The following ANO5 variants were observed in gnomAD, a reference collection of about 807,000 sequenced individuals.
The protein encoded by ANO5 is anoctamin-5.
Under a neutral mutation model 121.0 loss-of-function variants are expected in ANO5, and 109 were observed. That is an observed-to-expected ratio of 0.90 (90% CI 0.77 to 1.06). The LOEUF is 1.06. Among genes scored for constraint, ANO5 ranks in the 50% least tolerant of loss-of-function variants. The pLI is 0.00. For missense variants in ANO5, 1,064 were observed against 1,078.5 expected (o/e 0.99, Z 0.19); for synonymous variants, 406 against 359.9 (o/e 1.13, Z -1.45).
intron 1 of ANO5, among the ~76,000 whole-genome samples, chr11:22,196,315 G>A (rs1486933567): frequency 6.6e-6 from 1 of 152,040 alleles, no homozygotes; most frequent in African/African-American, 2.4e-5. Context: ...CAATTCTAAT[G>A]TAACTGTTGC....
At chr11:22,253,914 A>G (rs1853908927) in intron 12 of ANO5, among the ~76,000 whole-genome samples, 2 of 152,188 alleles carry the variant, frequency 1.3e-5, no homozygotes, top group African/African-American at 4.8e-5. Context: ...GGAAATGAGC[A>G]GTTACTAATC....
Position 22,193,167 on chromosome 11 carries a change from A to C in ANO5, c.-326A>C. On this transcript the variant is annotated 5_prime_UTR_variant, in exon 1 of 22. Coordinates refer to ENST00000324559, the MANE Select transcript of ANO5 (RefSeq NM_213599.3). ...AGGCACAGGGACAGGTGCCTGGAGA[A>C]GTACTGGGAGAGCGCCCAGGAGCGC... The C allele has an allele frequency of 8.4e-7, 1 of 1,193,430 alleles. No homozygotes were observed. Among genetic ancestry groups the C allele is most frequent in the East Asian group, 4.7e-5 (1 of 21,068 alleles). 73.9% of individuals were successfully genotyped at this position (1,193,430 alleles called of 1,614,324 possible).
At chr11:22,277,836 A>G (rs1854924855) in intron 21 of ANO5, 1 of 151,474 alleles carries the variant, frequency 6.6e-6, no homozygotes, top group African/African-American at 2.4e-5. Flanking sequence ...TCTTCTATTG[A>G]AGACTAAATT....
intron 1 of ANO5, among the ~76,000 whole-genome samples, chr11:22,201,859 T>C (rs1253495817): frequency 1.3e-5 from 2 of 152,208 alleles, no homozygotes; most frequent in Non-Finnish European, 2.9e-5. Flanking sequence ...ATTGTTGCAT[T>C]GCAGATTGTT....
intron 21 of ANO5, 37 bp downstream of exon 21, chr11:22,276,236 T>C (rs915519756): frequency 6.7e-7 from 1 of 1,486,774 alleles, no homozygotes; most frequent in Non-Finnish European, 9.4e-7. Flanking sequence ...GTTACTCTCT[T>C]CTCTCTTTAG....
At chr11:22,274,187 CA>C (rs1427053964) in intron 19 of ANO5, among the ~76,000 whole-genome samples, 10 of 151,804 alleles carry the variant, frequency 6.6e-5, no homozygotes, top group African/African-American at 1.5e-4. Flanking sequence ...CACACACACA[CA>C]CACACCCGCA....
intron 3 of ANO5, among the ~76,000 whole-genome samples, chr11:22,215,138 A>G (rs1184871774): frequency 6.6e-6 from 1 of 151,970 alleles, no homozygotes; most frequent in Non-Finnish European, 1.5e-5. Flanking sequence ...AAGAATGGGA[A>G]TTGAAAAGAC....
chr11:22,276,192 T>C lies in ANO5; in HGVS notation c.2513T>C (p.Val838Ala), dbSNP rs1295612924. 2 of 1,607,082 alleles carry C rather than the reference T, an allele frequency of 1.2e-6. No homozygotes were observed. The highest frequency in any genetic ancestry group is 1.7e-6 in the Non-Finnish European group (2 of 1,174,192). The change falls in exon 21 of 22, where the codon GTT becomes GCT. Residue 838 changes from valine to alanine, a missense_variant. By Grantham distance (64) the Val-to-Ala change is moderately conservative. Coordinates refer to ENST00000324559, the MANE Select transcript of ANO5 (RefSeq NM_213599.3). ...VLAAKMTFII[V>A]MEHVVFLVKF... is the part of the protein sequence containing the mutation. ...GCTGCCAAGATGACCTTCATCATTG[T>C]TATGGAAGTAAGCTGTTCTTAACTT...
At chr11:22,229,135 TGTCCTCTCCAAC>T (rs954735272) in intron 7 of ANO5, among the ~76,000 whole-genome samples, 1 of 151,930 alleles carries the variant, frequency 6.6e-6, no homozygotes, top group Admixed American at 6.6e-5. Context: ...CTTCTCTCCA[TGTCCTCTCCAAC>T]GTCCTCTCCA....
intron 17 of ANO5, among the ~76,000 whole-genome samples, chr11:22,269,867 TTTAG>T (rs752790911): frequency 6.6e-6 from 1 of 152,196 alleles, no homozygotes; most frequent in Non-Finnish European, 1.5e-5. Flanking sequence ...TAGCATGGAA[TTTAG>T]TTGGTTAAAA....
At chr11:22,269,384 AGAAAG>A (rs954527824) in intron 17 of ANO5, among the ~76,000 whole-genome samples, 4 of 146,940 alleles carry the variant, frequency 2.7e-5, no homozygotes, top group African/African-American at 5.2e-5. Flanking sequence ...GAAGGAAAGA[AGAAAG>A]GAAGGAAGGA....
At position 22,250,320 on chromosome 11, in the gene ANO5, G is replaced by A. The variant is rs778729244; in HGVS notation, c.962G>A (p.Gly321Asp). The part of the protein sequence containing the change: ...TEMLFFAAVV[G>D]LACFIYGLLS... Reference sequence around the variant, plus strand: ...ATGCTATTCTTTGCAGCTGTAGTTGGCTTAGCTTGTTTTATTTATGGCTTA... The same window carrying A: ...ATGCTATTCTTTGCAGCTGTAGTTGACTTAGCTTGTTTTATTTATGGCTTA... Residue 321 changes from glycine to aspartate, a missense_variant, in exon 10 of 22, where the codon GGC (glycine) becomes GAC (aspartate). Gly to Asp is a moderately conservative substitution (Grantham distance 94, BLOSUM62 -1). Coordinates refer to ENST00000324559, the MANE Select transcript of ANO5 (RefSeq NM_213599.3). 6.2e-7 allele frequency: 1 copy of A among 1,613,210 alleles called. No individual in the cohort carries two copies. Among genetic ancestry groups the A allele is most frequent in the South Asian group, 1.1e-5 (1 of 91,016 alleles).
At chr11:22,197,993 C>T (rs1851860911) in intron 1 of ANO5, among the ~76,000 whole-genome samples, 1 of 152,082 alleles carries the variant, frequency 6.6e-6, no homozygotes, top group African/African-American at 2.4e-5. Flanking sequence ...CTTTATACTC[C>T]ATGAGGGAGT....
intron 3 of ANO5, among the ~76,000 whole-genome samples, chr11:22,211,775 G>A (rs1852284751): frequency 6.6e-6 from 1 of 151,774 alleles, no homozygotes; most frequent in African/African-American, 2.4e-5. Flanking sequence ...TAAAAGGTTG[G>A]TAAGGGGACC....
chr11:22,227,533 T>C lies in ANO5; in HGVS notation c.595T>C (p.Phe199Leu). The C allele has an allele frequency of 1.2e-6, 2 of 1,613,514 alleles. No individual in the cohort carries two copies. Among genetic ancestry groups the C allele is most frequent in the Non-Finnish European group, 1.7e-6 (2 of 1,179,700 alleles). The change falls in exon 7 of 22, where the codon TTC becomes CTC. Residue 199 changes from phenylalanine (F) to leucine (L), a missense_variant. By Grantham distance (22) the Phe-to-Leu change is conservative (BLOSUM62 0). Coordinates refer to ENST00000324559, the MANE Select transcript of ANO5 (RefSeq NM_213599.3). ...ATTCAGCAGACATCGGCAGGAGCTC[T>C]TCCTCATCGAAGATCAGGCAACCTT... ...AQFSRHRQELFLIEDQATFFP... is the reference protein window; with the variant it reads ...AQFSRHRQELLLIEDQATFFP...
intron 21 of ANO5, chr11:22,278,110 T>C (rs1854934141): frequency 6.6e-6 from 1 of 151,730 alleles, no homozygotes; most frequent in Non-Finnish European, 1.5e-5. Flanking sequence ...CAGCTTCCAG[T>C]ATTGCTACAA....
chr11:22,231,865 G>T (rs986618745), intron 7 of ANO5, among the ~76,000 whole-genome samples: 2 of 151,978 alleles, frequency 1.3e-5, no homozygotes, highest in East Asian at 1.9e-4. Context: ...CTGGACACAA[G>T]AAATTATCAG....
At position 22,207,640 on chromosome 11, in the gene ANO5, G is replaced by T. The variant is rs554865758; in HGVS notation, c.88-3624G>T. 2.0e-5 allele frequency among the ~76,000 whole-genome samples: 3 copies of T among 152,118 alleles called. No individual in the cohort carries two copies. The East Asian group carries it at 5.8e-4, about 29-fold the overall frequency. On this transcript the variant is annotated intron_variant, in intron 2 of 21. Transcript: ENST00000324559. ...AAGGGTTTGTAGTTATGTCATATCTGCAAACAAAAACATTATTAATGAAAA... is the reference window on the plus strand; with the variant it reads ...AAGGGTTTGTAGTTATGTCATATCTTCAAACAAAAACATTATTAATGAAAA...
At chr11:22,248,497 C>G (rs892150493) in intron 9 of ANO5, among the ~76,000 whole-genome samples, 10 of 151,898 alleles carry the variant, frequency 6.6e-5, no homozygotes, top group Non-Finnish European at 1.3e-4. Context: ...TACCATATTG[C>G]AAATCTAAGA....
Sources: allele counts gnomAD v4.1 joint callset (sites outside exome capture counted in the v4.1 genomes callset), GRCh38; gene constraint gnomAD v4.1.1; transcripts MANE v1.5; gene names NCBI Gene and HGNC (gene_info 2026-07-23, HGNC 2026-07-21).